C12orf42: variants seen among roughly 807,000 people sequenced by gnomAD.
C12orf42 encodes uncharacterized protein C12orf42.
In C12orf42, 25 loss-of-function variants were observed where a neutral mutation model predicts 21.6. That is an observed-to-expected ratio of 1.16 (90% CI 0.84 to 1.62). The LOEUF (loss-of-function observed/expected upper bound fraction) is 1.62, where lower values mean the gene tolerates loss of function less well. Ranked by LOEUF, C12orf42 falls within the 40% of genes most tolerant of loss-of-function variation. The pLI, the probability that C12orf42 is intolerant of heterozygous loss-of-function variation, is 0.00. For synonymous variants in C12orf42, 174 were observed against 175.0 expected, an observed-to-expected ratio of 0.99 and a Z score of 0.05; for missense variants, 483 against 459.3, an observed-to-expected ratio of 1.05 and a Z score of -0.47.
chr12:103,152,193 A>G, the C12orf42 span, among the ~76,000 whole-genome samples: 1 of 152,240 alleles, frequency 6.6e-6, no homozygotes, highest in Non-Finnish European at 1.5e-5. Context: ...AGAAGTACCT[A>G]GCCACAGGTT....
At chr12:103,498,644 G>C (rs1955634093), upstream of C12orf42, among the ~76,000 whole-genome samples, 1 of 152,064 alleles carries the variant, frequency 6.6e-6, no homozygotes, top group Admixed American at 6.5e-5. Context: ...TGATAGACTG[G>C]ATAAAGAAAA....
the C12orf42 span, among the ~76,000 whole-genome samples, chr12:103,217,197 T>C: frequency 5.3e-5 from 8 of 152,116 alleles, no homozygotes; most frequent in East Asian, 1.9e-4. Context: ...CCAGAACACA[T>C]TGAAGTGCTG....
chr12:103,505,481 G>A, the C12orf42 span: 275 of 384,664 alleles, frequency 7.1e-4, 2 homozygotes, highest in African/African-American at 2.3e-3. Context: ...TCTGAGTCAT[G>A]GGAACGTGGT....
At chr12:103,286,438 A>T (rs754508817) in intron 4 of C12orf42, among the ~76,000 whole-genome samples, 39 of 151,680 alleles carry the variant, frequency 2.6e-4, no homozygotes, top group Non-Finnish European at 5.0e-4. Context: ...ACAGTCATGA[A>T]TTATATTTAC....
the C12orf42 span, among the ~76,000 whole-genome samples, chr12:103,065,738 A>G: frequency 6.6e-6 from 1 of 152,206 alleles, no homozygotes; most frequent in Admixed American, 6.5e-5. Context: ...TATTCCTTCT[A>G]AGGTGAAGGA....
At chr12:103,196,439 A>G in the C12orf42 span, among the ~76,000 whole-genome samples, 1 of 152,160 alleles carries the variant, frequency 6.6e-6, no homozygotes, top group Non-Finnish European at 1.5e-5. Flanking sequence ...TTCTGTAGAT[A>G]TCTATTAGGT....
chr12:103,306,600 G>A (rs1417827255), intron 4 of C12orf42, among the ~76,000 whole-genome samples: 5 of 152,062 alleles, frequency 3.3e-5, no homozygotes, highest in Non-Finnish European at 7.4e-5. Flanking sequence ...CCCCAGACAT[G>A]TTTGTCACTG....
chr12:103,531,395 A>G, the C12orf42 span, among the ~76,000 whole-genome samples: 1 of 152,184 alleles, frequency 6.6e-6, no homozygotes, highest in Non-Finnish European at 1.5e-5. Context: ...TGCTAGCCCT[A>G]CCCTTCTGTC....
At chr12:103,501,036 T>G in the C12orf42 span, among the ~76,000 whole-genome samples, 1 of 152,192 alleles carries the variant, frequency 6.6e-6, no homozygotes, top group Non-Finnish European at 1.5e-5. Context: ...AAAGTTGGCT[T>G]TGTGATCCAA....
chr12:103,425,407 A>G lies in C12orf42; in HGVS notation c.79-23732T>C, dbSNP rs969658391. Among the ~76,000 whole-genome samples, 7 of 152,310 alleles carry G rather than the reference A, an allele frequency of 4.6e-5. 1 individual carries two copies. Among genetic ancestry groups the G allele is most frequent in the Admixed American group, 2.6e-4 (4 of 15,308 alleles). The stretch of plus-strand genomic sequence containing the variant: ...TCCTGACTGTGAGATACCTCCCAGC[A>G]GAGGTCGACAGACACCTCATACAGG... On this transcript the variant is annotated intron_variant, in intron 2 of 5. Transcript: ENST00000548883.
the C12orf42 span, among the ~76,000 whole-genome samples, chr12:103,226,789 A>G: frequency 0.35 from 52,443 of 151,732 alleles, 9,532 homozygotes; most frequent in Middle Eastern, 0.41. Flanking sequence ...GATTAGAAAG[A>G]CTCAACGACG....
At chr12:103,231,120 G>T in the C12orf42 span, among the ~76,000 whole-genome samples, 1 of 152,002 alleles carries the variant, frequency 6.6e-6, no homozygotes, top group Non-Finnish European at 1.5e-5. Flanking sequence ...TTTTGTTGTG[G>T]TCTGACATAT....
chr12:103,151,658 T>G, the C12orf42 span, among the ~76,000 whole-genome samples: 1 of 152,138 alleles, frequency 6.6e-6, no homozygotes, highest in Non-Finnish European at 1.5e-5. Context: ...AAATGAACAT[T>G]TTGATAGATG....
At chr12:103,220,730 CCTCT>C in the C12orf42 span, among the ~76,000 whole-genome samples, 3 of 152,100 alleles carry the variant, frequency 2.0e-5, no homozygotes, top group African/African-American at 7.2e-5. Flanking sequence ...GAAGTATCTT[CCTCT>C]CTCTATCAGT....
At position 103,253,422 on chromosome 12, in the gene C12orf42, T is replaced by G. The variant is rs1265737681; in HGVS notation, c.*1366+9904A>C. Among the ~76,000 whole-genome samples the G allele has an allele frequency of 2.0e-5, 3 of 152,202 alleles. No individual in the cohort carries two copies. The East Asian group carries it at 5.8e-4, about 29-fold the overall frequency. ...AGTATGGGCATTTTAATGATATTGA[T>G]TCTTCCTATCCATGAGCATGGAATT... On this transcript the variant is annotated intron_variant and NMD_transcript_variant, in intron 10 of 10. Transcript: ENST00000547347.
intron 2 of C12orf42, among the ~76,000 whole-genome samples, chr12:103,475,332 C>A (rs1172364816): frequency 6.6e-6 from 1 of 152,196 alleles, no homozygotes; most frequent in Admixed American, 6.5e-5. Flanking sequence ...GTCAAACATG[C>A]AAAACAATAT....
chr12:103,285,007 A>T (rs1472352921), intron 4 of C12orf42, among the ~76,000 whole-genome samples: 2 of 152,140 alleles, frequency 1.3e-5, no homozygotes, highest in African/African-American at 2.4e-5. Context: ...TGATTCCCTT[A>T]TCTAGGATCA....
the C12orf42 span, among the ~76,000 whole-genome samples, chr12:103,076,214 C>T: frequency 1.3e-5 from 2 of 151,298 alleles, no homozygotes; most frequent in Non-Finnish European, 2.9e-5. Flanking sequence ...CACATGTATC[C>T]CATAACTTAA....
the C12orf42 span, among the ~76,000 whole-genome samples, chr12:103,507,192 T>TAAATATAA: frequency 2.7e-5 from 1 of 36,410 alleles, no homozygotes; most frequent in African/African-American, 1.8e-4. Flanking sequence ...ATATAATATA[T>TAAATATAA]ATATATTTAT....
Sources: gnomAD v4.1 joint callset for allele counts (sites outside exome capture counted in the v4.1 genomes callset) on GRCh38, gnomAD v4.1.1 for gene constraint, MANE v1.5 for transcripts, NCBI Gene and HGNC (gene_info 2026-07-23, HGNC 2026-07-21) for gene names.